The following C4orf50 variants were observed in gnomAD, a reference collection of about 807,000 sequenced individuals.
C4orf50 encodes the protein chromosome 4 open reading frame 50, also known as uncharacterized protein C4orf50.
In C4orf50, 80 loss-of-function variants were observed where a neutral mutation model predicts 77.2. The ratio of observed to expected loss-of-function variants is 1.04; its 90% CI spans 0.87 to 1.25. C4orf50 has a LOEUF of 1.25. C4orf50 is among the 50% of genes most tolerant of loss of function. The pLI is 0.00. For synonymous variants in C4orf50, 532 were observed against 465.3 expected, an observed-to-expected ratio of 1.14 and a Z score of -1.84; for missense variants, 1,257 against 1,152.9, an observed-to-expected ratio of 1.09 and a Z score of -1.31.
rs989705741 is a variant in C4orf50, at chr4:5,970,893, G to A, written c.4104+2766C>T. ...AGGGTGGAGTAAGCAGATCCATGGAGAGCGTGCGAGGGGGAGGGCAGCATG... is the reference window on the plus strand; with the variant it reads ...AGGGTGGAGTAAGCAGATCCATGGAAAGCGTGCGAGGGGGAGGGCAGCATG... On this transcript the variant is annotated intron_variant, in intron 31 of 33. Transcript: ENST00000531445. This position sits in a 1 kb window ranked among gnomAD's most constrained non-coding sequence, Gnocchi z 4.3. 6.6e-6 allele frequency among the ~76,000 whole-genome samples: 1 copy of A among 152,178 alleles called. No homozygotes were observed. Among genetic ancestry groups the A allele is most frequent in the Non-Finnish European group, 1.5e-5 (1 of 68,030 alleles).
chr4:5,918,181 C>T (rs1016652430), intron 7 of C4orf50, among the ~76,000 whole-genome samples: 7 of 152,168 alleles, frequency 4.6e-5, no homozygotes, highest in Admixed American at 1.3e-4. Context: ...ATCATACAAC[C>T]ACCTCCCACC....
rs2108809343 is a variant in C4orf50 at position 6,008,116 on chromosome 4, G to C, written c.843C>G (p.Cys281Trp). The change falls in exon 25 of 34, where the codon TGC becomes TGG. Residue 281 changes from cysteine to tryptophan, a missense_variant. Physicochemically the swap from Cys to Trp is radical, Grantham distance 215. Coordinates refer to ENST00000531445, the Ensembl canonical transcript of C4orf50. This position sits in a 1 kb window ranked among gnomAD's most constrained non-coding sequence, Gnocchi z 6.0. ...TCTCTGACAGCTTCAGCCCATAGAT[G>C]CAGCAGCGCAGCTCCTCCAGCTGCC... The C allele has an allele frequency of 2.5e-6, 1 of 399,060 alleles. No individual in the cohort carries two copies. Among genetic ancestry groups the C allele is most frequent in the Middle Eastern group, 6.3e-4 (1 of 1,586 alleles). The allele number at this position is 399,060 out of a possible 1,614,324, so 24.7% of individuals were successfully genotyped here.
chr4:5,966,158 G>T (rs1312592446), intron 32 of C4orf50, among the ~76,000 whole-genome samples: 1 of 152,212 alleles, frequency 6.6e-6, no homozygotes, highest in Admixed American at 6.5e-5. Flanking sequence ...TGTCTGGTCA[G>T]ATAGGGGCTT....
At chr4:5,915,209 C>G (rs1716980977) in intron 7 of C4orf50, among the ~76,000 whole-genome samples, 1 of 152,162 alleles carries the variant, frequency 6.6e-6, no homozygotes, top group Non-Finnish European at 1.5e-5. Context: ...TCAGTGGTCC[C>G]TAGGGCCATG....
Position 6,017,989 on chromosome 4 carries a change from A to G in C4orf50, c.287+156T>C, listed in dbSNP as rs1316302096. On this transcript the variant is annotated intron_variant, in intron 23 of 33. Transcript: ENST00000531445. This position sits in a 1 kb window ranked among gnomAD's most constrained non-coding sequence, Gnocchi z 4.7. ...TACAGAGCAGAAGAAGGAGGGCGGG[A>G]GGAGCAGAAGGCAAGTGACTGCGTG... Among the ~76,000 whole-genome samples, 1 of 152,154 alleles carries G rather than the reference A, an allele frequency of 6.6e-6. No individual in the cohort carries two copies. Among genetic ancestry groups the G allele is most frequent in the East Asian group, 1.9e-4 (1 of 5,198 alleles).
chr4:5,947,859 A>C (rs1718548259), intron 7 of C4orf50, among the ~76,000 whole-genome samples: 1 of 152,176 alleles, frequency 6.6e-6, no homozygotes, highest in African/African-American at 2.4e-5. Flanking sequence ...CTAAACTTAG[A>C]AAGTCTAAAA....
At chr4:5,991,370 G>A (rs577988499) in intron 27 of C4orf50, among the ~76,000 whole-genome samples, 7 of 152,324 alleles carry the variant, frequency 4.6e-5, no homozygotes, top group Non-Finnish European at 7.4e-5. Context: ...TGTGAGCAGC[G>A]CTGCAGAAGG....
At chr4:5,904,012 C>G (rs544956994) in intron 7 of C4orf50, 1 of 152,218 alleles carries the variant, frequency 6.6e-6, no homozygotes, top group Non-Finnish European at 1.5e-5. Flanking sequence ...CACCCAGCAC[C>G]GACCACTGCC....
At chr4:5,938,685 TC>T (rs1367472314) in intron 7 of C4orf50, among the ~76,000 whole-genome samples, 2 of 152,148 alleles carry the variant, frequency 1.3e-5, no homozygotes, top group Non-Finnish European at 2.9e-5. Flanking sequence ...TTTGAACCTG[TC>T]CTCAGTTTTA....
rs145661574 is a variant in C4orf50, at chr4:5,924,753, A to G, written c.*2475-26565T>C. ...TGGGGAGAGGGGTATCCACTTGCAC[A>G]ATATGAAGCGGCTTTATAGAGGAAG... is the stretch of plus-strand genomic sequence containing the variant. On this transcript the variant is annotated intron_variant, in intron 7 of 7. Transcript: ENST00000324058. Among the ~76,000 whole-genome samples, 664 of 152,294 alleles carry G rather than the reference A, an allele frequency of 4.4e-3. 3 individuals carry two copies. The highest frequency in any genetic ancestry group is 0.014 in the African/African-American group (572 of 41,560).
chr4:6,012,797 G>A (rs1722541502), intron 23 of C4orf50, among the ~76,000 whole-genome samples: 1 of 152,214 alleles, frequency 6.6e-6, no homozygotes, highest in Non-Finnish European at 1.5e-5. Context: ...GGGGAGAGGA[G>A]GCACTGCAAA....
chr4:5,984,412 C>G, intron 28 of C4orf50, among the ~76,000 whole-genome samples: 1 of 152,082 alleles, frequency 6.6e-6, no homozygotes, highest in East Asian at 1.9e-4. Flanking sequence ...AAAACAAAAC[C>G]AAACCCCTCA....
At chr4:5,914,418 A>G (rs1418697859) in intron 7 of C4orf50, among the ~76,000 whole-genome samples, 3 of 151,752 alleles carry the variant, frequency 2.0e-5, no homozygotes, top group South Asian at 2.1e-4. Context: ...GTTGGCCAGG[A>G]TGGTCTCGAT....
At chr4:5,973,960 G>C (rs1295158460) in intron 30 of C4orf50, 119 bp from the exon 9 acceptor site, 1 of 793,380 alleles carries the variant, frequency 1.3e-6, no homozygotes. Context: ...CCCTGCCTCA[G>C]CTCAGCGGAG....
At chr4:6,003,875 GTGA>G (rs1202080637) in intron 25 of C4orf50, among the ~76,000 whole-genome samples, 1 of 126,684 alleles carries the variant, frequency 7.9e-6, no homozygotes, top group African/African-American at 3.0e-5. Flanking sequence ...GGTGATGATG[GTGA>G]TGGTGATTAT....
exon 28 of C4orf50, chr4:5,988,554 T>C: frequency 6.5e-7 from 1 of 1,537,018 alleles, no homozygotes; most frequent in South Asian, 1.2e-5. Context: ...CTGTGGAAGG[T>C]CCTGTCTGCC....
chr4:5,959,319 T>C lies in C4orf50; in HGVS notation c.*56A>G. 4 of 1,561,536 alleles carry C rather than the reference T, an allele frequency of 2.6e-6. No individual in the cohort carries two copies. In the South Asian group the frequency reaches 3.5e-5, roughly 14 times the overall value. ...ATTTCTTAAAGCACTCTCTGAAGGT[T>C]CTGCTTCAAATATTTATGGAGTCTA... is the stretch of plus-strand genomic sequence containing the variant. On this transcript the variant is annotated 3_prime_UTR_variant, in exon 34 of 34. Transcript: ENST00000531445.
intron 33 of C4orf50, 45 bp from the exon 12 acceptor site, chr4:5,959,671 T>C (rs373683200): frequency 1.5e-5 from 23 of 1,568,918 alleles, no homozygotes; most frequent in Non-Finnish European, 1.7e-5. Flanking sequence ...TCCACATGTT[T>C]GTAAAAGCCC....
In C4orf50 at chr4:5,901,355, G is replaced by A. The variant is rs1327676378; in HGVS notation, c.*2475-3167C>T. The A allele has an allele frequency of 6.6e-6, 1 of 152,198 alleles. No homozygotes were observed. Among genetic ancestry groups the A allele is most frequent in the African/African-American group, 2.4e-5 (1 of 41,432 alleles). The allele number at this position is 152,198 out of a possible 1,614,324, so 9.4% of individuals were successfully genotyped here. On this transcript the variant is annotated intron_variant, in intron 7 of 7. Transcript: ENST00000324058. The surrounding 1 kb of genome is among the most constrained non-coding windows in gnomAD (Gnocchi z 4.4). ...CATTATTGCGCACAGTAGGTGCCGA[G>A]GTGTGTATCTTATTATCTCCATTTG... is the stretch of plus-strand genomic sequence containing the variant.
Sources: gnomAD v4.1 joint callset for allele counts (sites outside exome capture counted in the v4.1 genomes callset) on GRCh38, gnomAD v4.1.1 for gene constraint, Gnocchi (gnomAD v3.1) non-coding constraint, MANE v1.5 for transcripts, NCBI Gene and HGNC (gene_info 2026-07-23, HGNC 2026-07-21) for gene names.